The following ADSS2 variants were observed in gnomAD, a reference collection of about 807,000 sequenced individuals.
ADSS2 encodes adenylosuccinate synthase 2, also known as adenylosuccinate synthetase isozyme 2.
A neutral mutation model predicts 60.0 loss-of-function variants in ADSS2; 30 were observed. That is an observed-to-expected ratio of 0.50 (90% CI 0.37 to 0.68). ADSS2 has a LOEUF of 0.68. Ranked by LOEUF, ADSS2 falls within the 30% of genes least tolerant of loss-of-function variation. The pLI, the probability that ADSS2 is intolerant of heterozygous loss-of-function variation, is 0.00. For synonymous variants in ADSS2, 187 were observed against 193.1 expected, an observed-to-expected ratio of 0.97 and a Z score of 0.26; for missense variants, 373 against 554.8, an observed-to-expected ratio of 0.67 and a Z score of 3.29.
At chr1:244,424,501 A>C in intron 4 of ADSS2, 114 bp from the exon 5 acceptor site, 1 of 767,370 alleles carries the variant, frequency 1.3e-6, no homozygotes, top group South Asian at 1.7e-5. Context: ...TCAGTATAAT[A>C]AATTAAACAC....
chr1:244,423,707 A>G (rs1450329603), intron 6 of ADSS2, among the ~76,000 whole-genome samples: 2 of 152,184 alleles, frequency 1.3e-5, no homozygotes, highest in Non-Finnish European at 2.9e-5. Flanking sequence ...TTCAATTCTT[A>G]AATATAACTC....
chr1:244,435,194 A>AAAAAAAAACAAAC (rs1553308065), intron 3 of ADSS2, among the ~76,000 whole-genome samples: 2 of 127,852 alleles, frequency 1.6e-5, no homozygotes, highest in African/African-American at 6.4e-5. Flanking sequence ...AAAAAAAAAA[A>AAAAAAAAACAAAC]AAACAAACCT....
chr1:244,435,955 C>A (rs751084538), intron 3 of ADSS2, among the ~76,000 whole-genome samples: 1 of 152,170 alleles, frequency 6.6e-6, no homozygotes, highest in Non-Finnish European at 1.5e-5. Flanking sequence ...GCACATCCAG[C>A]TAGTACACAT....
chr1:244,429,619 G>A (rs111244485), intron 4 of ADSS2, among the ~76,000 whole-genome samples: 619 of 152,238 alleles, frequency 4.1e-3, no homozygotes, highest in Non-Finnish European at 7.5e-3. Flanking sequence ...TGGCCGGGCC[G>A]TGGCTCACGC....
chr1:244,415,710 G>T (rs1223516733), intron 11 of ADSS2, among the ~76,000 whole-genome samples: 1 of 152,182 alleles, frequency 6.6e-6, no homozygotes, highest in African/African-American at 2.4e-5. Flanking sequence ...GCTTTCAAAG[G>T]AGGGAAGATG....
intron 4 of ADSS2, among the ~76,000 whole-genome samples, chr1:244,430,026 C>T (rs953207698): frequency 6.6e-6 from 1 of 152,098 alleles, no homozygotes; most frequent in Non-Finnish European, 1.5e-5. Context: ...ACCACTAACA[C>T]CTACATTTCA....
At chr1:244,436,086 T>C (rs181761082) in intron 3 of ADSS2, among the ~76,000 whole-genome samples, 2 of 152,330 alleles carry the variant, frequency 1.3e-5, no homozygotes, top group East Asian at 3.9e-4. Flanking sequence ...GAATAAACTG[T>C]GTGCGTGCCT....
At chr1:244,435,125 G>A (rs894593799) in intron 3 of ADSS2, among the ~76,000 whole-genome samples, 6 of 118,320 alleles carry the variant, frequency 5.1e-5, no homozygotes, top group African/African-American at 2.0e-4. Flanking sequence ...CCAAGATCAC[G>A]CCACTGCACT....
At chr1:244,413,090 G>A (rs1478495554) in intron 11 of ADSS2, among the ~76,000 whole-genome samples, 2 of 152,200 alleles carry the variant, frequency 1.3e-5, no homozygotes, top group Admixed American at 6.5e-5. Flanking sequence ...TTTGCCAGTA[G>A]GTACCAAGAG....
intron 11 of ADSS2, among the ~76,000 whole-genome samples, chr1:244,413,882 C>G (rs1322874929): frequency 6.6e-6 from 1 of 152,124 alleles, no homozygotes; most frequent in Non-Finnish European, 1.5e-5. Flanking sequence ...GCAGAGCCAC[C>G]AGAAAGGCTG....
chr1:244,435,194 A>AAAAAAAAAAAAAAAAAAAAAC lies in ADSS2; in HGVS notation c.355+1630_355+1631insGTTTTTTTTTTTTTTTTTTTT, dbSNP rs1553308065. Among the ~76,000 whole-genome samples, 36 of 127,896 alleles carry AAAAAAAAAAAAAAAAAAAAAC rather than the reference A, an allele frequency of 2.8e-4. 3 individuals are homozygous for AAAAAAAAAAAAAAAAAAAAAC. The highest frequency in any genetic ancestry group is 1.0e-3 in the African/African-American group (32 of 31,128). The allele number at this position is 127,896 out of a possible 152,430, so 83.9% of individuals were successfully genotyped here. ...AAAAAAAAAAAAAAAAAAAAAAAAA[A>AAAAAAAAAAAAAAAAAAAAAC]AAACAAACCTGAACATACTATAACA... On this transcript the variant is annotated intron_variant, in intron 3 of 12. Coordinates refer to ENST00000366535, the MANE Select transcript of ADSS2 (RefSeq NM_001126.5).
chr1:244,452,002 A>AG (rs1055501344), upstream of ADSS2: 15 of 558,428 alleles, frequency 2.7e-5, no homozygotes, highest in Non-Finnish European at 4.1e-5. Flanking sequence ...AGCCCGCTCA[A>AG]GGGGGTACCA....
At chr1:244,448,282 GAT>G (rs1490371772) in intron 1 of ADSS2, among the ~76,000 whole-genome samples, 1 of 152,116 alleles carries the variant, frequency 6.6e-6, no homozygotes, top group African/African-American at 2.4e-5. Context: ...GTTTGCTGCT[GAT>G]ATGTCTTTTA....
chr1:244,422,946 C>G, intron 6 of ADSS2, 30 bp from the exon 7 acceptor site: 1 of 1,359,986 alleles, frequency 7.4e-7, no homozygotes. Flanking sequence ...CAAGACATTA[C>G]CACTCTGTGA....
intron 3 of ADSS2, among the ~76,000 whole-genome samples, chr1:244,436,559 A>T (rs910054915): frequency 1.3e-5 from 2 of 152,236 alleles, no homozygotes; most frequent in Non-Finnish European, 1.5e-5. Context: ...TGTCACCCAC[A>T]TATTGTAATT....
At chr1:244,418,564 G>C (rs1053268953) in intron 9 of ADSS2, among the ~76,000 whole-genome samples, 196 bp downstream of exon 9, 2 of 152,062 alleles carry the variant, frequency 1.3e-5, no homozygotes, top group African/African-American at 2.4e-5. Flanking sequence ...CAAGTGATCT[G>C]CCTGCCTCTG....
intron 1 of ADSS2, among the ~76,000 whole-genome samples, chr1:244,450,942 G>A (rs892283062): frequency 6.6e-6 from 1 of 152,088 alleles, no homozygotes; most frequent in Non-Finnish European, 1.5e-5. Flanking sequence ...CTTCCTCTGG[G>A]ACCAACTAGT....
chr1:244,448,513 C>G (rs1665449197), intron 1 of ADSS2, among the ~76,000 whole-genome samples: 1 of 152,182 alleles, frequency 6.6e-6, no homozygotes, highest in Non-Finnish European at 1.5e-5. Flanking sequence ...CTGCTCTAGC[C>G]TTTCCCGATC....
At chr1:244,415,831 A>G in intron 11 of ADSS2, 150 bp downstream of exon 11, 1 of 596,402 alleles carries the variant, frequency 1.7e-6, no homozygotes, top group Non-Finnish European at 2.9e-6. Context: ...TGAACCAAAT[A>G]ACTAATAATA....
Sources: gnomAD v4.1 joint callset for allele counts (sites outside exome capture counted in the v4.1 genomes callset) on GRCh38, gnomAD v4.1.1 for gene constraint, MANE v1.5 for transcripts, NCBI Gene and HGNC (gene_info 2026-07-23, HGNC 2026-07-21) for gene names.